Variants in TMEM132B observed in about 807,000 individuals in gnomAD.
TMEM132B encodes transmembrane protein 132B.
In TMEM132B, 18 loss-of-function variants were observed where a neutral mutation model predicts 90.8. The observed-to-expected ratio is 0.20, with a 90% CI of 0.14 to 0.29. TMEM132B has a LOEUF of 0.29. Among genes scored for constraint, TMEM132B ranks in the 10% least tolerant of loss-of-function variants. The pLI, the probability that TMEM132B is intolerant of heterozygous loss-of-function variation, is 1.00. For synonymous variants in TMEM132B, 504 were observed against 523.3 expected (o/e 0.96, Z 0.50); for missense variants, 1,096 against 1,326.8 (o/e 0.83, Z 2.70).
At chr12:125,488,801 A>T (rs1882275924) in intron 3 of TMEM132B, among the ~76,000 whole-genome samples, 1 of 152,178 alleles carries the variant, frequency 6.6e-6, no homozygotes, top group African/African-American at 2.4e-5. Flanking sequence ...GGCTTAGCCC[A>T]CTCGTGTACC....
chr12:125,434,985 C>T (rs926035882), intron 3 of TMEM132B, among the ~76,000 whole-genome samples: 1 of 152,162 alleles, frequency 6.6e-6, no homozygotes, highest in Non-Finnish European at 1.5e-5. Flanking sequence ...TCTTACTAAG[C>T]GTTTGGGGAA....
chr12:125,459,235 C>T lies in TMEM132B; in HGVS notation c.1106+43558C>T, dbSNP rs1017965243. Among the ~76,000 whole-genome samples, 2 of 152,146 alleles carry T rather than the reference C, an allele frequency of 1.3e-5. No homozygotes were observed. Among genetic ancestry groups the T allele is most frequent in the South Asian group, 4.1e-4 (2 of 4,824 alleles). On this transcript the variant is annotated intron_variant, in intron 3 of 8. Transcript: ENST00000682704. The surrounding 1 kb of genome is among the most constrained non-coding windows in gnomAD (Gnocchi z 4.1). ...ACCTTTCAAATAGTGGGACCCTCTT[C>T]TACGTGTGGGGAACCGCCAGCATGT...
At chr12:125,418,362 G>A (rs1391392726) in intron 3 of TMEM132B, among the ~76,000 whole-genome samples, 1 of 152,074 alleles carries the variant, frequency 6.6e-6, no homozygotes, top group East Asian at 1.9e-4. Context: ...GAGAAAAAGT[G>A]TCCTCTTTCT....
Position 125,363,536 on chromosome 12 carries a change from T to C in TMEM132B, c.959+13193T>C, listed in dbSNP as rs1878027528. Among the ~76,000 whole-genome samples the C allele has an allele frequency of 2.6e-5, 4 of 152,190 alleles. No homozygotes were observed. In the South Asian group the frequency reaches 6.2e-4, roughly 24 times the overall value. On this transcript the variant is annotated intron_variant, in intron 2 of 8. Coordinates refer to ENST00000682704, the MANE Select transcript of TMEM132B (RefSeq NM_001366854.1). ...AGTTTTCAGTGCCTAGTAGTGTTTT[T>C]TGGGCCTGAGTGAAATAGGGTTGGT...
intron 1 of TMEM132B, among the ~76,000 whole-genome samples, chr12:125,229,198 T>G (rs991205005): frequency 2.6e-5 from 4 of 152,136 alleles, no homozygotes; most frequent in African/African-American, 7.2e-5. Flanking sequence ...TTTTAGTGGG[T>G]TTTTCTGTTA....
chr12:125,187,614 C>T (rs932023473), intron 1 of TMEM132B, among the ~76,000 whole-genome samples: 1 of 152,252 alleles, frequency 6.6e-6, no homozygotes, highest in Non-Finnish European at 1.5e-5. Context: ...GGACTCCCTG[C>T]TGAACCAGCT....
At position 125,656,423 on chromosome 12, in the gene TMEM132B, A is replaced by G. The variant is rs1227452915; in HGVS notation, c.*1713A>G. ...CATGACAACCCCGCCTCCTCTAGCC[A>G]TGACGTGGCAGCCAAAAAGTTCTTC... On this transcript the variant is annotated 3_prime_UTR_variant, in exon 9 of 9. Transcript: ENST00000682704. The G allele has an allele frequency of 6.6e-6, 1 of 152,264 alleles. No homozygotes were observed. Among genetic ancestry groups the G allele is most frequent in the East Asian group, 1.9e-4 (1 of 5,196 alleles). The allele number at this position is 152,264 out of a possible 1,614,324, so 9.4% of individuals were successfully genotyped here.
At chr12:125,603,917 A>C (rs1466451519) in intron 5 of TMEM132B, among the ~76,000 whole-genome samples, 2 of 152,236 alleles carry the variant, frequency 1.3e-5, no homozygotes, top group African/African-American at 4.8e-5. Context: ...TGCTAGTCAG[A>C]ATGGCAATTC....
At chr12:125,231,401 A>T (rs1873818995) in intron 1 of TMEM132B, among the ~76,000 whole-genome samples, 1 of 152,186 alleles carries the variant, frequency 6.6e-6, no homozygotes, top group South Asian at 2.1e-4. Context: ...AACCTACTGC[A>T]TGAGTGACCT....
At chr12:125,453,716 A>G (rs528473865) in intron 3 of TMEM132B, among the ~76,000 whole-genome samples, 2 of 152,342 alleles carry the variant, frequency 1.3e-5, no homozygotes, top group Admixed American at 1.3e-4. Context: ...TCAGTGTGAG[A>G]GCTGCTTCAT....
chr12:125,388,929 C>T (rs433961), intron 2 of TMEM132B, among the ~76,000 whole-genome samples: 53,051 of 151,804 alleles, frequency 0.35, 10,723 homozygotes, highest in East Asian at 0.77. Flanking sequence ...GGCAACAACA[C>T]AGGAATTGAG....
intron 1 of TMEM132B, among the ~76,000 whole-genome samples, chr12:125,303,526 G>A (rs913218181): frequency 2.4e-4 from 36 of 152,148 alleles, no homozygotes; most frequent in African/African-American, 8.2e-4. Flanking sequence ...TGGATCGTAT[G>A]GTAATTCTAT....
intron 1 of TMEM132B, among the ~76,000 whole-genome samples, chr12:125,212,398 A>G (rs1873341008): frequency 6.6e-6 from 1 of 152,068 alleles, no homozygotes. Flanking sequence ...TCTGGTCTCA[A>G]ATTCCTGGGC....
At chr12:125,541,929 G>A (rs1592983528) in intron 4 of TMEM132B, among the ~76,000 whole-genome samples, 1 of 150,536 alleles carries the variant, frequency 6.6e-6, no homozygotes. Flanking sequence ...GGAGGCTGAG[G>A]CAGGAGAATG....
At position 125,566,184 on chromosome 12, in the gene TMEM132B, A is replaced by G. The variant is rs371423571; in HGVS notation, c.1294-17667A>G. ...AAATAGGATTAGTGGTAGTGGTACAATGCTTGCATTGGTAAATGAACCCAC... is the reference window on the plus strand; with the variant it reads ...AAATAGGATTAGTGGTAGTGGTACAGTGCTTGCATTGGTAAATGAACCCAC... On this transcript the variant is annotated intron_variant, in intron 4 of 8. Transcript: ENST00000682704. Among the ~76,000 whole-genome samples, 44 of 152,350 alleles carry G rather than the reference A, an allele frequency of 2.9e-4. No individual in the cohort carries two copies. The South Asian group carries it at 8.3e-3, about 29-fold the overall frequency.
At chr12:125,363,772 G>A (rs1346422653) in intron 2 of TMEM132B, among the ~76,000 whole-genome samples, 1 of 152,182 alleles carries the variant, frequency 6.6e-6, no homozygotes, top group Non-Finnish European at 1.5e-5. Context: ...ACAAAACCAA[G>A]AAGCTAGGGT....
intron 4 of TMEM132B, among the ~76,000 whole-genome samples, chr12:125,567,261 C>T (rs1884680724): frequency 6.6e-6 from 1 of 152,100 alleles, no homozygotes; most frequent in South Asian, 2.1e-4. Context: ...TCTCACCCCA[C>T]CTGTCTTTCT....
At chr12:125,218,012 T>G (rs1873476175) in intron 1 of TMEM132B, among the ~76,000 whole-genome samples, 1 of 152,220 alleles carries the variant, frequency 6.6e-6, no homozygotes, top group Non-Finnish European at 1.5e-5. Flanking sequence ...GGGCCAATTT[T>G]AAGGGAGATG....
chr12:125,434,270 A>C (rs909461946), intron 3 of TMEM132B, among the ~76,000 whole-genome samples: 2 of 152,170 alleles, frequency 1.3e-5, no homozygotes, highest in South Asian at 4.1e-4. Context: ...GTGTGGTCAC[A>C]TCAGGCTTAC....
Sources: gnomAD v4.1 joint callset for allele counts (sites outside exome capture counted in the v4.1 genomes callset) on GRCh38, gnomAD v4.1.1 for gene constraint, Gnocchi (gnomAD v3.1) non-coding constraint, MANE v1.5 for transcripts, NCBI Gene and HGNC (gene_info 2026-07-23, HGNC 2026-07-21) for gene names.